DNAH8: variants seen among roughly 807,000 people sequenced by gnomAD.
The protein encoded by DNAH8 is dynein axonemal heavy chain 8, also known as axonemal beta dynein heavy chain 8.
In DNAH8, 382 loss-of-function variants were observed where a neutral mutation model predicts 562.1. That is an observed-to-expected ratio of 0.68 (90% CI 0.63 to 0.74). The LOEUF is 0.74. DNAH8 is among the 30% of genes least tolerant of loss of function. The pLI is 0.00. For missense variants in DNAH8, 5,203 were observed against 5,620.4 expected (o/e 0.93, Z 2.37); for synonymous variants, 1,881 against 1,919.4 (o/e 0.98, Z 0.52).
At chr6:39,010,803 A>ACG (rs1561972957) in intron 89 of DNAH8, among the ~76,000 whole-genome samples, 1 of 136,222 alleles carries the variant, frequency 7.3e-6, no homozygotes, top group African/African-American at 2.7e-5. Context: ...ACGTGTACGC[A>ACG]CACACACACA....
chr6:38,856,389 A>G (rs919616230), intron 41 of DNAH8, among the ~76,000 whole-genome samples: 1 of 152,190 alleles, frequency 6.6e-6, no homozygotes, highest in Non-Finnish European at 1.5e-5. Context: ...GTGACTCAAG[A>G]TAATGATTGT....
chr6:38,766,325 G>A (rs1766996183), intron 11 of DNAH8, among the ~76,000 whole-genome samples: 1 of 152,070 alleles, frequency 6.6e-6, no homozygotes, highest in African/African-American at 2.4e-5. Flanking sequence ...ATCTAAAAAA[G>A]TCAAACTCTT....
In DNAH8 at chr6:38,862,379, A is replaced by G; in HGVS notation, c.6231A>G (p.Gly2077=). ...AAACAGAAACCACAAAAGACATGGG[A>G]AGGTGTTTGGGAAAATATGTGGTCG... ...TGKTETTKDM[G]RCLGKYVVVF... The change falls in exon 44 of 93, where the codon GGA becomes GGG. Residue 2077 remains glycine, a synonymous_variant. Transcript: ENST00000327475. 1 of 1,614,164 alleles carries G rather than the reference A, an allele frequency of 6.2e-7. No individual in the cohort carries two copies. Among genetic ancestry groups the G allele is most frequent in the Non-Finnish European group, 8.5e-7 (1 of 1,180,002 alleles).
At chr6:38,731,613 A>C (rs374725032) in intron 4 of DNAH8, among the ~76,000 whole-genome samples, 2 of 152,230 alleles carry the variant, frequency 1.3e-5, no homozygotes, top group Admixed American at 6.5e-5. Flanking sequence ...CTCAGAAGGG[A>C]AATTGCCAGA....
chr6:38,796,562 T>TA (rs954742022), intron 21 of DNAH8, among the ~76,000 whole-genome samples: 1 of 152,160 alleles, frequency 6.6e-6, no homozygotes, highest in Non-Finnish European at 1.5e-5. Flanking sequence ...GCCTGGTAGT[T>TA]AAAGATCGAC....
chr6:38,814,200 A>T (rs768599243), intron 25 of DNAH8, 71 bp downstream of exon 25: 1 of 879,020 alleles, frequency 1.1e-6, no homozygotes, highest in Non-Finnish European at 1.8e-6. Flanking sequence ...CTGAGCTTTC[A>T]TTTAGGTAAC....
chr6:38,866,461 A>G, intron 45 of DNAH8, 130 bp from the exon 46 acceptor site: 2 of 644,946 alleles, frequency 3.1e-6, no homozygotes, highest in South Asian at 4.5e-5. Flanking sequence ...TTTTGAGAAA[A>G]CAAGAGTATT....
chr6:38,956,494 T>C (rs922355977), intron 82 of DNAH8, among the ~76,000 whole-genome samples: 3 of 152,138 alleles, frequency 2.0e-5, no homozygotes, highest in African/African-American at 7.2e-5. Context: ...TTGCCAGCTC[T>C]GCCCCACGTC....
At position 39,012,203 on chromosome 6, in the gene DNAH8, A is replaced by G; in HGVS notation, c.13372-12A>G. On this transcript the variant is annotated splice_polypyrimidine_tract_variant and intron_variant, in intron 89 of 92. Coordinates refer to ENST00000327475, the MANE Select transcript of DNAH8 (RefSeq NM_001206927.2). ...GAAAATCTCCTTTATTGCATTGTTT[A>G]CTTTGTTTTAGGTGAAATCTCGTTT... 1 of 1,583,444 alleles carries G rather than the reference A, an allele frequency of 6.3e-7. No individual in the cohort carries two copies. Among genetic ancestry groups the G allele is most frequent in the Non-Finnish European group, 8.6e-7 (1 of 1,159,652 alleles).
At chr6:38,833,261 G>A (rs1774001182) in intron 31 of DNAH8, among the ~76,000 whole-genome samples, 1 of 151,272 alleles carries the variant, frequency 6.6e-6, no homozygotes, top group Admixed American at 6.6e-5. Context: ...TTTAACATGT[G>A]CTAAACATAT....
intron 11 of DNAH8, chr6:38,763,979 G>A (rs1766756469): frequency 1.3e-5 from 2 of 153,642 alleles, no homozygotes; most frequent in Admixed American, 1.3e-4. Context: ...ATCCAGAAAA[G>A]AGTTGTTAAA....
Position 38,908,400 on chromosome 6 carries a change from C to T in DNAH8, c.9513+280C>T, listed in dbSNP as rs539107329. ...TGTAAGGGACTTGGTGATGTAACCT[C>T]GTCCAGCTCCACCTCCCATGTAGAC... On this transcript the variant is annotated intron_variant, in intron 64 of 92. Transcript: ENST00000327475. Among the ~76,000 whole-genome samples the T allele has an allele frequency of 3.3e-5, 5 of 152,298 alleles. No homozygotes were observed. In the South Asian group the frequency reaches 8.3e-4, roughly 25 times the overall value.
chr6:38,857,363 C>T (rs750400282), intron 41 of DNAH8, among the ~76,000 whole-genome samples, 155 bp from the exon 42 acceptor site: 1 of 152,162 alleles, frequency 6.6e-6, no homozygotes, highest in African/African-American at 2.4e-5. Context: ...TAAATATTAA[C>T]GGTTAAAACT....
chr6:38,785,688 T>C (rs1466409592), intron 17 of DNAH8, among the ~76,000 whole-genome samples: 1 of 151,918 alleles, frequency 6.6e-6, no homozygotes, highest in Non-Finnish European at 1.5e-5. Flanking sequence ...TGTGTCCATG[T>C]GTTCTCATTG....
At chr6:39,015,546 ACT>A (rs1766510725) in intron 91 of DNAH8, among the ~76,000 whole-genome samples, 1 of 150,710 alleles carries the variant, frequency 6.6e-6, no homozygotes, top group African/African-American at 2.4e-5. Flanking sequence ...TTCCTCCTTC[ACT>A]CTCTCTCTCC....
At chr6:38,757,883 C>G (rs968787240) in intron 10 of DNAH8, among the ~76,000 whole-genome samples, 1 of 152,102 alleles carries the variant, frequency 6.6e-6, no homozygotes, top group Non-Finnish European at 1.5e-5. Flanking sequence ...TGGTCTATAT[C>G]TCTGTTTTGG....
In DNAH8 at chr6:38,842,266, C is replaced by T. The variant is rs371224417; in HGVS notation, c.4467-102C>T. 53 of 897,150 alleles carry T rather than the reference C, an allele frequency of 5.9e-5. No homozygotes were observed. In the Middle Eastern group the frequency reaches 8.5e-4, roughly 14 times the overall value. The allele number at this position is 897,150 out of a possible 1,614,324, so 55.6% of individuals were successfully genotyped here. A position where few individuals can be genotyped will look rare whatever the true frequency, so the allele number is the denominator to read the frequency against. ...TTTGGTATCTATAAGACATTGTACA[C>T]GCAATGTATGAAATATTTGATTGGA... is the stretch of plus-strand genomic sequence containing the variant. On this transcript the variant is annotated intron_variant, in intron 33 of 92. Coordinates refer to ENST00000327475, the MANE Select transcript of DNAH8 (RefSeq NM_001206927.2).
chr6:38,863,905 G>C lies in DNAH8; in HGVS notation c.6343G>C (p.Asp2115His). 1.2e-6 allele frequency: 2 copies of C among 1,603,012 alleles called. No individual in the cohort carries two copies. Among genetic ancestry groups the C allele is most frequent in the Non-Finnish European group, 1.7e-6 (2 of 1,177,694 alleles). The change falls in exon 45 of 93, where the codon GAT (aspartate) becomes CAT (histidine). Residue 2115 changes from aspartate to histidine, a missense_variant. By Grantham distance (81) the Asp-to-His change is moderately conservative. Coordinates refer to ENST00000327475, the MANE Select transcript of DNAH8 (RefSeq NM_001206927.2). Reference sequence around the variant, plus strand: ...ACAGTCGGGTTCCTGGGGCTGTTTTGATGAGTTTAACAGAATTGAATTGCC... The same window carrying C: ...ACAGTCGGGTTCCTGGGGCTGTTTTCATGAGTTTAACAGAATTGAATTGCC... ...LAQSGSWGCF[D>H]EFNRIELPVL...
Position 38,917,333 on chromosome 6 carries a change from A to G in DNAH8, c.10235A>G (p.Gln3412Arg). Reference sequence around the variant, plus strand: ...ATGGACTGTGTTCTGTTACTATTTCAAAAGAAAATTGACCCTGTTACTATG... The same window carrying G: ...ATGGACTGTGTTCTGTTACTATTTCGAAAGAAAATTGACCCTGTTACTATG... ...RIMDCVLLLF[Q>R]KKIDPVTMDP... The change falls in exon 69 of 93, where the codon CAA becomes CGA. Residue 3412 changes from glutamine to arginine, a missense_variant. Gln to Arg is a conservative substitution (Grantham distance 43). Coordinates refer to ENST00000327475, the MANE Select transcript of DNAH8 (RefSeq NM_001206927.2). 1 of 1,613,786 alleles carries G rather than the reference A, an allele frequency of 6.2e-7. No homozygotes were observed. Among genetic ancestry groups the G allele is most frequent in the Non-Finnish European group, 8.5e-7 (1 of 1,179,744 alleles).
Sources: gnomAD v4.1 joint callset for allele counts (sites outside exome capture counted in the v4.1 genomes callset) on GRCh38, gnomAD v4.1.1 for gene constraint, MANE v1.5 for transcripts, NCBI Gene and HGNC (gene_info 2026-07-23, HGNC 2026-07-21) for gene names.